Variants in IFI44L observed in about 807,000 individuals in gnomAD.
IFI44L encodes interferon induced protein 44 like.
Under a neutral mutation model 39.3 loss-of-function variants are expected in IFI44L, and 40 were observed. That is an observed-to-expected ratio of 1.02 (90% CI 0.79 to 1.33). IFI44L has a LOEUF of 1.33. Ranked by LOEUF, IFI44L falls within the 40% of genes most tolerant of loss-of-function variation. The pLI is 0.00. For synonymous variants in IFI44L, 198 were observed against 182.3 expected, an observed-to-expected ratio of 1.09 and a Z score of -0.69; for missense variants, 623 against 549.0, an observed-to-expected ratio of 1.13 and a Z score of -1.35.
rs1646994684 is a variant in IFI44L at position 78,642,160 on chromosome 1, G to A, written c.*351G>A. Reference sequence around the variant, plus strand: ...ATTGAATAATAGTTATAAAATTATTGTATAGACATCTGCTTCTTAAACAGA... The same window carrying A: ...ATTGAATAATAGTTATAAAATTATTATATAGACATCTGCTTCTTAAACAGA... On this transcript the variant is annotated 3_prime_UTR_variant, in exon 9 of 9. Transcript: ENST00000370751. 2 of 273,822 alleles carry A rather than the reference G, an allele frequency of 7.3e-6. No homozygotes were observed. Among genetic ancestry groups the A allele is most frequent in the Non-Finnish European group, 1.4e-5 (2 of 143,682 alleles). The allele number at this position is 273,822 out of a possible 1,614,324, so 17.0% of individuals were successfully genotyped here.
At chr1:78,626,130 T>A (rs1652478602) in intron 1 of IFI44L, 1 of 151,930 alleles carries the variant, frequency 6.6e-6, no homozygotes, top group Admixed American at 6.6e-5. Flanking sequence ...CCTTTTCTCT[T>A]TTTATTCTTT....
At chr1:78,637,946 C>T (rs148624377) in intron 6 of IFI44L, among the ~76,000 whole-genome samples, 3 of 152,038 alleles carry the variant, frequency 2.0e-5, no homozygotes, top group Non-Finnish European at 4.4e-5. Context: ...CTCTGGGGTA[C>T]ATCTCCAGAA....
In IFI44L at chr1:78,637,026, T is replaced by G; in HGVS notation, c.877-6T>G. 6.2e-7 allele frequency: 1 copy of G among 1,601,480 alleles called. No individual in the cohort carries two copies. On this transcript the variant is annotated splice_region_variant and splice_polypyrimidine_tract_variant and intron_variant, in intron 5 of 8. Coordinates refer to ENST00000370751, the MANE Select transcript of IFI44L (RefSeq NM_006820.4). ...TTCTGAATGTTACCTTATGTTTTTA[T>G]AACAGTTTAATTCCCGTAAACCAAT... is the stretch of plus-strand genomic sequence containing the variant.
chr1:78,632,014 T>G (rs1652766907), intron 4 of IFI44L, among the ~76,000 whole-genome samples: 1 of 152,164 alleles, frequency 6.6e-6, no homozygotes, highest in African/African-American at 2.4e-5. Context: ...ATACACATCA[T>G]TTTGATATTC....
At position 78,643,626 on chromosome 1, in the gene IFI44L, G is replaced by T. The variant is rs940941673; in HGVS notation, c.*1817G>T. On this transcript the variant is annotated 3_prime_UTR_variant, in exon 9 of 9. Coordinates refer to ENST00000370751, the MANE Select transcript of IFI44L (RefSeq NM_006820.4). Reference sequence around the variant, plus strand: ...AGATGAAAACTGGAAGTTTTTTTTTGTTTGTTTTGTTTTTTTTTTGTTGTT... The same window carrying T: ...AGATGAAAACTGGAAGTTTTTTTTTTTTTGTTTTGTTTTTTTTTTGTTGTT... 47 of 139,892 alleles carry T rather than the reference G, an allele frequency of 3.4e-4. No homozygotes were observed. The highest frequency in any genetic ancestry group is 8.6e-4 in the African/African-American group (33 of 38,326). 8.7% of individuals were successfully genotyped at this position (139,892 alleles called of 1,614,324 possible).
At chr1:78,630,676 T>A (rs1038122479) in intron 4 of IFI44L, among the ~76,000 whole-genome samples, 5 of 152,180 alleles carry the variant, frequency 3.3e-5, no homozygotes, top group Non-Finnish European at 7.4e-5. Context: ...AATGCAAAAT[T>A]TAGCATAAGA....
At chr1:78,632,573 G>A (rs564625891) in intron 4 of IFI44L, among the ~76,000 whole-genome samples, 95 of 152,214 alleles carry the variant, frequency 6.2e-4, no homozygotes, top group Middle Eastern at 3.4e-3. Context: ...TAAAAATGTC[G>A]CAGATTCCAC....
chr1:78,641,425 C>A lies in IFI44L; in HGVS notation c.1150-10C>A, dbSNP rs1433955399. On this transcript the variant is annotated splice_polypyrimidine_tract_variant and intron_variant, in intron 7 of 8. Coordinates refer to ENST00000370751, the MANE Select transcript of IFI44L (RefSeq NM_006820.4). Reference sequence around the variant, plus strand: ...ACAGGACTTACACTTTTTAAATATACTTTCCACAGGTCATGAATGTCCATA... The same window carrying A: ...ACAGGACTTACACTTTTTAAATATAATTTCCACAGGTCATGAATGTCCATA... 4 of 1,608,692 alleles carry A rather than the reference C, an allele frequency of 2.5e-6. No individual in the cohort carries two copies. The highest frequency in any genetic ancestry group is 2.6e-6 in the Non-Finnish European group (3 of 1,176,240).
intron 1 of IFI44L, among the ~76,000 whole-genome samples, chr1:78,624,786 G>A (rs1018517466): frequency 6.6e-6 from 1 of 152,000 alleles, no homozygotes; most frequent in African/African-American, 2.4e-5. Context: ...TATTTATAAC[G>A]GTTATATTTT....
chr1:78,629,578 T>G (rs1334499460), intron 3 of IFI44L, 142 bp from the exon 4 acceptor site: 2 of 519,032 alleles, frequency 3.9e-6, no homozygotes, highest in Non-Finnish European at 3.3e-6. Context: ...TTATAGAAGA[T>G]CTCATTATCA....
intron 1 of IFI44L, chr1:78,625,890 C>A (rs1368141579): frequency 6.6e-6 from 1 of 151,708 alleles, no homozygotes; most frequent in Non-Finnish European, 1.5e-5. Context: ...TGGATTATTT[C>A]AAATTATATT....
At chr1:78,626,634 G>A (rs1411993208) in intron 1 of IFI44L, 1 of 151,958 alleles carries the variant, frequency 6.6e-6, no homozygotes, top group Non-Finnish European at 1.5e-5. Context: ...AATTAACTCT[G>A]TCTGCTTCCA....
Position 78,628,388 on chromosome 1 carries a change from T to C in IFI44L, c.473T>C (p.Val158Ala), listed in dbSNP as rs1026395928. 4 of 1,526,750 alleles carry C rather than the reference T, an allele frequency of 2.6e-6. No homozygotes were observed. Among genetic ancestry groups the C allele is most frequent in the Non-Finnish European group, 2.7e-6 (3 of 1,125,938 alleles). The allele number at this position is 1,526,750 out of a possible 1,614,324, so 94.6% of individuals were successfully genotyped here. Residue 158 changes from valine (V) to alanine (A), a missense_variant, in exon 2 of 9, where the codon GTT (valine) becomes GCT (alanine). Physicochemically the swap from Val to Ala is moderately conservative, Grantham distance 64. Coordinates refer to ENST00000370751, the MANE Select transcript of IFI44L (RefSeq NM_006820.4). ...RQYLECEVFR[V>A]EGIKDNLDDI... ...TATTTGGAATGTGAAGTTTTTCGAGTTGAAGGTTTGTAAAATTAGATAATC... is the reference window on the plus strand; with the variant it reads ...TATTTGGAATGTGAAGTTTTTCGAGCTGAAGGTTTGTAAAATTAGATAATC...
Position 78,645,544 on chromosome 1 carries a change from G to T in IFI44L, c.*3735G>T, listed in dbSNP as rs1451947135. 6.6e-6 allele frequency: 1 copy of T among 152,142 alleles called. No individual in the cohort carries two copies. Among genetic ancestry groups the T allele is most frequent in the Admixed American group, 6.5e-5 (1 of 15,272 alleles). 9.4% of individuals were successfully genotyped at this position (152,142 alleles called of 1,614,324 possible). On this transcript the variant is annotated 3_prime_UTR_variant, in exon 9 of 9. Transcript: ENST00000370751. ...TAGGGGGGCCAAGTAAGCCCCATAT[G>T]CTTAATGATCAGCTGATGAATAATC...
At chr1:78,640,971 A>T in intron 6 of IFI44L, 50 bp from the exon 7 acceptor site, 1 of 1,318,734 alleles carries the variant, frequency 7.6e-7, no homozygotes, top group Non-Finnish European at 1.1e-6. Context: ...TAACTTGTTG[A>T]CACATTGCTA....
intron 1 of IFI44L, among the ~76,000 whole-genome samples, chr1:78,624,565 A>G (rs1049393024): frequency 6.6e-6 from 1 of 152,168 alleles, no homozygotes; most frequent in Non-Finnish European, 1.5e-5. Flanking sequence ...TGCTGGGTGG[A>G]ATGCCCTGTA....
At position 78,629,861 on chromosome 1, in the gene IFI44L, C is replaced by T. The variant is rs1652678837; in HGVS notation, c.669C>T (p.Gly223=). The T allele has an allele frequency of 6.2e-7, 1 of 1,613,624 alleles. No individual in the cohort carries two copies. The highest frequency in any genetic ancestry group is 1.3e-5 in the African/African-American group (1 of 74,896). ...ATTCAGTCAAGTCTATTTTTCATGG[C>T]CATGTGACTGGCCAAGCCGTAGTGG... is the stretch of plus-strand genomic sequence containing the variant. The part of the protein sequence containing the change: ...FFNSVKSIFH[G]HVTGQAVVGS... Residue 223 remains glycine, a synonymous_variant, in exon 4 of 9, where the codon GGC becomes GGT. Transcript: ENST00000370751.
intron 1 of IFI44L, among the ~76,000 whole-genome samples, chr1:78,624,455 A>G (rs994496968): frequency 2.0e-5 from 3 of 152,140 alleles, no homozygotes; most frequent in Admixed American, 2.0e-4. Flanking sequence ...TATGGTTTCA[A>G]TCTTCTTAGA....
intron 4 of IFI44L, among the ~76,000 whole-genome samples, chr1:78,632,663 G>T (rs1021826030): frequency 2.0e-5 from 3 of 152,058 alleles, no homozygotes; most frequent in Non-Finnish European, 4.4e-5. Flanking sequence ...TTACCTGAAA[G>T]CTATACAGTG....
Sources: allele counts gnomAD v4.1 joint callset (sites outside exome capture counted in the v4.1 genomes callset), GRCh38; gene constraint gnomAD v4.1.1; transcripts MANE v1.5; gene names NCBI Gene and HGNC (gene_info 2026-07-23, HGNC 2026-07-21).